The following PLXNB2 variants were observed in gnomAD, a reference collection of about 807,000 sequenced individuals.
PLXNB2 encodes plexin B2, also known as plexin-B2.
Under a neutral mutation model 202.6 loss-of-function variants are expected in PLXNB2, and 85 were observed. That is an observed-to-expected ratio of 0.42 (90% CI 0.35 to 0.50). PLXNB2 has a LOEUF of 0.50. Ranked by LOEUF, PLXNB2 falls within the 20% of genes least tolerant of loss-of-function variation. The pLI, the probability that PLXNB2 is intolerant of heterozygous loss-of-function variation, is 0.02. For missense variants in PLXNB2, 2,063 were observed against 2,586.2 expected, an observed-to-expected ratio of 0.80 and a Z score of 4.39; for synonymous variants, 1,239 against 1,137.6, an observed-to-expected ratio of 1.09 and a Z score of -1.79.
Position 50,282,321 on chromosome 22 carries a change from G to A in PLXNB2, c.2988-8C>T. 1.3e-6 allele frequency: 2 copies of A among 1,587,690 alleles called. No individual in the cohort carries two copies. The highest frequency in any genetic ancestry group is 1.7e-6 in the Non-Finnish European group (2 of 1,167,984). ...TTGATGCTGCGGCCACCACTGCGGA[G>A]GGCAGTGCCTTCGTGGGCTCGGCTG... On this transcript the variant is annotated splice_region_variant and splice_polypyrimidine_tract_variant and intron_variant, in intron 18 of 36. Coordinates refer to ENST00000359337, the MANE Select transcript of PLXNB2 (RefSeq NM_012401.4).
At position 50,279,614 on chromosome 22, in the gene PLXNB2, C is replaced by G. The variant is rs1601683134; in HGVS notation, c.4389+16G>C. 1.9e-6 allele frequency: 3 copies of G among 1,612,596 alleles called. No homozygotes were observed. Among genetic ancestry groups the G allele is most frequent in the South Asian group, 1.1e-5 (1 of 91,014 alleles). ...GATCCGAGGCGCCCATGGCGGCCCC[C>G]ACCCCAGAAGCTCACCAGGGGTGCG... is the stretch of plus-strand genomic sequence containing the variant. On this transcript the variant is annotated intron_variant, in intron 27 of 36. Transcript: ENST00000359337.
chr22:50,281,214 G>A, intron 22 of PLXNB2, 25 bp from the exon 23 acceptor site: 1 of 1,596,766 alleles, frequency 6.3e-7, no homozygotes. Flanking sequence ...GGGCCTCCTA[G>A]GTTCTGCCGG....
At position 50,276,630 on chromosome 22, in the gene PLXNB2, C is replaced by T; in HGVS notation, c.5336G>A (p.Arg1779Gln). The change falls in exon 35 of 37, where the codon CGG becomes CAG. Residue 1779 changes from arginine (R) to glutamine (Q), a missense_variant and splice_region_variant. Around this residue, in one of 2 missense-constraint regions of PLXNB2, gnomAD observed 760 missense variants for 1,109.4 expected, o/e 0.69. Coordinates refer to ENST00000359337, the MANE Select transcript of PLXNB2 (RefSeq NM_012401.4). ...GTGCGTCCCTGGTGGTCTCCTTACC[C>T]GGGAAATCTCTGCCAGGTGTGTGTT... ...DMNTHLAEIS[R>Q]AHTDSLNTLV... 3 of 1,612,618 alleles carry T rather than the reference C, an allele frequency of 1.9e-6. No homozygotes were observed. The highest frequency in any genetic ancestry group is 2.5e-6 in the Non-Finnish European group (3 of 1,178,804).
At chr22:50,279,946 G>C in intron 26 of PLXNB2, 59 bp downstream of exon 26, 1 of 1,453,602 alleles carries the variant, frequency 6.9e-7, no homozygotes, top group Non-Finnish European at 9.5e-7. Context: ...GAACGCAGGA[G>C]GGGATGGCAG....
rs377607644 is a variant in PLXNB2 at position 50,286,196 on chromosome 22, G to A, written c.1854C>T (p.Ala618=). The change falls in exon 9 of 37, where the codon GCC becomes GCT. Residue 618 remains alanine, a synonymous_variant. Coordinates refer to ENST00000359337, the MANE Select transcript of PLXNB2 (RefSeq NM_012401.4). Reference sequence around the variant, plus strand: ...ACGGCAGGTTCTCCTCCAGGCTCATGGCCTGGCGGCAGTCGTAGAAGGGGT... The same window carrying A: ...ACGGCAGGTTCTCCTCCAGGCTCATAGCCTGGCGGCAGTCGTAGAAGGGGT... ...YQYPFYDCRQ[A]MSLEENLPCI... 2.0e-5 allele frequency: 33 copies of A among 1,612,370 alleles called. No homozygotes were observed. The African/African-American group carries it at 3.6e-4, about 18-fold the overall frequency.
At position 50,294,798 on chromosome 22, in the gene PLXNB2, C is replaced by T. The variant is rs73188905; in HGVS notation, c.-73-20G>A. 242,613 of 978,822 alleles carry T rather than the reference C, an allele frequency of 0.25. 32,431 individuals are homozygous for T. Among genetic ancestry groups the T allele is most frequent in the Non-Finnish European group, 0.27 (221,154 of 823,742 alleles). 60.6% of individuals were successfully genotyped at this position (978,822 alleles called of 1,614,324 possible). On this transcript the variant is annotated intron_variant, in intron 1 of 36. Coordinates refer to ENST00000359337, the MANE Select transcript of PLXNB2 (RefSeq NM_012401.4). Reference sequence around the variant, plus strand: ...GATTCTCTAGGAGGCAAAGGAGAGACGCCGGTCACAAGAGGAGCCCGGTCT... The same window carrying T: ...GATTCTCTAGGAGGCAAAGGAGAGATGCCGGTCACAAGAGGAGCCCGGTCT...
chr22:50,300,501 A>G (rs28534659), intron 1 of PLXNB2, among the ~76,000 whole-genome samples: 16,215 of 152,168 alleles, frequency 0.11, 1,823 homozygotes, highest in African/African-American at 0.29. Context: ...GACTCACCCG[A>G]GGCAAAGGCC....
chr22:50,284,342 G>A lies in PLXNB2; in HGVS notation c.2182-129C>T. 2.2e-6 allele frequency: 2 copies of A among 915,458 alleles called. No individual in the cohort carries two copies. Among genetic ancestry groups the A allele is most frequent in the Non-Finnish European group, 3.5e-6 (2 of 571,590 alleles). 56.7% of individuals were successfully genotyped at this position (915,458 alleles called of 1,614,324 possible). ...CCAAGGGCAGCAGGGGAGGCCTTCA[G>A]GTGTCGGAAGTTCGGGAACCCCATG... On this transcript the variant is annotated intron_variant, in intron 12 of 36. Coordinates refer to ENST00000359337, the MANE Select transcript of PLXNB2 (RefSeq NM_012401.4). The surrounding 1 kb of genome is among the most constrained non-coding windows in gnomAD (Gnocchi z 8.0).
Position 50,282,200 on chromosome 22 carries a change from G to T in PLXNB2, c.3101C>A (p.Ser1034Tyr). Residue 1034 changes from serine to tyrosine, a missense_variant, in exon 19 of 37, where the codon TCC becomes TAC. By Grantham distance (144) the Ser-to-Tyr change is moderately radical (BLOSUM62 -2). Coordinates refer to ENST00000359337, the MANE Select transcript of PLXNB2 (RefSeq NM_012401.4). ...AGGACTGACCGTCATGGGCTGCAGGGATTCAGCCTCCCGCGGCGGCTGCCA... is the reference window on the plus strand; with the variant it reads ...AGGACTGACCGTCATGGGCTGCAGGTATTCAGCCTCCCGCGGCGGCTGCCA... Reference protein sequence around the residue: ...QSWQPPREAESLQPMTVVGTD... With the variant: ...QSWQPPREAEYLQPMTVVGTD... 6.2e-7 allele frequency: 1 copy of T among 1,611,038 alleles called. No homozygotes were observed. Among genetic ancestry groups the T allele is most frequent in the Non-Finnish European group, 8.5e-7 (1 of 1,179,422 alleles).
chr22:50,302,171 G>A (rs1475153913), intron 1 of PLXNB2, among the ~76,000 whole-genome samples: 2 of 152,228 alleles, frequency 1.3e-5, no homozygotes, highest in Non-Finnish European at 2.9e-5. Context: ...TGCCCAGGAT[G>A]AGCTGGGGGC....
At position 50,284,521 on chromosome 22, in the gene PLXNB2, C is replaced by CCCCCCCGG; in HGVS notation, c.2181+51_2181+52insCCGGGGGG. 1 of 1,404,982 alleles carries CCCCCCCGG rather than the reference C, an allele frequency of 7.1e-7. No individual in the cohort carries two copies. The highest frequency in any genetic ancestry group is 2.4e-5 in the East Asian group (1 of 41,146). The allele number at this position is 1,404,982 out of a possible 1,614,324, so 87.0% of individuals were successfully genotyped here. A position where few individuals can be genotyped will look rare whatever the true frequency, so the allele number is the denominator to read the frequency against. On this transcript the variant is annotated intron_variant, in intron 12 of 36. Coordinates refer to ENST00000359337, the MANE Select transcript of PLXNB2 (RefSeq NM_012401.4). This position sits in a 1 kb window ranked among gnomAD's most constrained non-coding sequence, Gnocchi z 8.0. ...CAGTCCTGAAGGTGACCCCCCACCC[C>CCCCCCCGG]ACCCGGGGCCCTGGGGTCCAGCAGC...
At chr22:50,286,359 G>A in intron 8 of PLXNB2, 72 bp from the exon 9 acceptor site, 1 of 1,096,012 alleles carries the variant, frequency 9.1e-7, no homozygotes, top group Non-Finnish European at 1.4e-6. Flanking sequence ...CCTCCCCTGG[G>A]GCTGACTCCT....
Position 50,278,017 on chromosome 22 carries a change from T to TG in PLXNB2, c.4888-5dup, listed in dbSNP as rs551455483. The TG allele has an allele frequency of 5.9e-5, 92 of 1,548,642 alleles. No individual in the cohort carries two copies. The highest frequency in any genetic ancestry group is 3.9e-4 in the African/African-American group (27 of 68,838). On this transcript the variant is annotated splice_region_variant and splice_polypyrimidine_tract_variant and intron_variant, in intron 31 of 36. Transcript: ENST00000359337. The stretch of plus-strand genomic sequence containing the variant: ...CCACAAACTGCTGCAGTGTGCCCTG[T>TG]GGGGGGGAGGGTCTCAGCGTGACGC...
chr22:50,307,558 C>A lies in PLXNB2; in HGVS notation c.-79G>T, dbSNP rs955567702. On this transcript the variant is annotated 5_prime_UTR_variant, in exon 1 of 37. Transcript: ENST00000359337. ...CAGTCCCCCGAGCTCGGTACCTGCA[C>A]GTCCGCCGCCAAGGCTCGATGGCGC... 2 of 982,186 alleles carry A rather than the reference C, an allele frequency of 2.0e-6. No homozygotes were observed. The highest frequency in any genetic ancestry group is 1.8e-5 in the African/African-American group (1 of 56,596). The allele number at this position is 982,186 out of a possible 1,614,324, so 60.8% of individuals were successfully genotyped here.
At position 50,285,884 on chromosome 22, in the gene PLXNB2, C is replaced by A. The variant is rs1156385285; in HGVS notation, c.2004G>T (p.Gln668His). 4 of 1,612,318 alleles carry A rather than the reference C, an allele frequency of 2.5e-6. No individual in the cohort carries two copies. Among genetic ancestry groups the A allele is most frequent in the Admixed American group, 1.7e-5 (1 of 59,960 alleles). ...VRAHMEDSCP[Q>H]FLGPSPLVIP... is the part of the protein sequence containing the mutation. ...TCACCAGGGGGCTGGGTCCCAGGAA[C>A]TGGGGACAGCTGTCCTCCTGGGAGA... Residue 668 changes from glutamine (Q) to histidine (H), a missense_variant, in exon 11 of 37, where the codon CAG (glutamine) becomes CAT (histidine). Transcript: ENST00000359337.
In PLXNB2 at chr22:50,283,644, C is replaced by T. The variant is rs772388012; in HGVS notation, c.2528G>A (p.Arg843Gln). Residue 843 changes from arginine to glutamine, a missense_variant, in exon 15 of 37, where the codon CGG becomes CAG. By Grantham distance (43) the Arg-to-Gln change is conservative. Transcript: ENST00000359337. ...GDIQRISVAG[R>Q]NCSFQPERYS... ...ACGTTCCGGCTGAAAGGAGCAGTTC[C>T]GGCCGGCCACAGAGATCCTCTGGAT... The T allele has an allele frequency of 4.9e-5, 79 of 1,612,972 alleles. 1 individual carries two copies. Among genetic ancestry groups the T allele is most frequent in the South Asian group, 4.6e-4 (42 of 91,072 alleles).
intron 33 of PLXNB2, 120 bp from the exon 34 acceptor site, chr22:50,277,026 G>T (rs1057342502): frequency 2.8e-6 from 2 of 721,432 alleles, no homozygotes; most frequent in Admixed American, 2.2e-5. Context: ...AAAACTATGG[G>T]CCGGGCGCAG....
Position 50,289,706 on chromosome 22 carries a change from T to C in PLXNB2, c.879A>G (p.Leu293=), listed in dbSNP as rs1410759013. The C allele has an allele frequency of 6.2e-7, 1 of 1,611,238 alleles. No homozygotes were observed. The highest frequency in any genetic ancestry group is 8.5e-7 in the Non-Finnish European group (1 of 1,179,920). The change falls in exon 3 of 37, where the codon CTA becomes CTG. Residue 293 remains leucine (L), a synonymous_variant. Transcript: ENST00000359337. The surrounding 1 kb of genome is among the most constrained non-coding windows in gnomAD (Gnocchi z 8.0). ...GGCTGTCTCTGCTGAAGACAGCATA[T>C]AGCACCCTGCCAGAGCCAGGCGCAG... ...SVAAPGSGRV[L]YAVFSRDSRS...
rs764370385 is a variant in PLXNB2 at position 50,290,535 on chromosome 22, C to T, written c.50G>A (p.Gly17Asp). 1 of 1,612,146 alleles carries T rather than the reference C, an allele frequency of 6.2e-7. No homozygotes were observed. The highest frequency in any genetic ancestry group is 1.1e-5 in the South Asian group (1 of 91,026). ...ALTLLGLLGAGASLRPRKLDF... is the reference protein window; with the variant it reads ...ALTLLGLLGADASLRPRKLDF... ...CAGCTTGCGGGGCCTCAGGCTGGCA[C>T]CTGCGCCCAGCAGGCCCAGCAGGGT... The change falls in exon 3 of 37, where the codon GGT (glycine) becomes GAT (aspartate). Residue 17 changes from glycine (G) to aspartate (D), a missense_variant. Around this residue, in one of 2 missense-constraint regions of PLXNB2, gnomAD observed 1,303 missense variants for 1,476.8 expected, o/e 0.88. Coordinates refer to ENST00000359337, the MANE Select transcript of PLXNB2 (RefSeq NM_012401.4).
Sources: gnomAD v4.1 joint callset for allele counts (sites outside exome capture counted in the v4.1 genomes callset) on GRCh38, gnomAD v4.1.1 for gene constraint, gnomAD v4.1.1 regional missense constraint, Gnocchi (gnomAD v3.1) non-coding constraint, MANE v1.5 for transcripts, NCBI Gene and HGNC (gene_info 2026-07-23, HGNC 2026-07-21) for gene names.